The following CNTN5 variants were observed in gnomAD, a reference collection of about 807,000 sequenced individuals.
CNTN5 encodes contactin 5.
In CNTN5, 77 loss-of-function variants were observed where a neutral mutation model predicts 129.1. The ratio of observed to expected loss-of-function variants is 0.60; its 90% CI spans 0.50 to 0.72. CNTN5 has a LOEUF of 0.72. Ranked by LOEUF, CNTN5 falls within the 30% of genes least tolerant of loss-of-function variation. The pLI, the probability that CNTN5 is intolerant of heterozygous loss-of-function variation, is 0.00. For synonymous variants in CNTN5, 509 were observed against 465.6 expected (o/e 1.09, Z -1.20); for missense variants, 1,478 against 1,328.8 (o/e 1.11, Z -1.75).
At chr11:99,913,712 C>T (rs971643486) in intron 6 of CNTN5, among the ~76,000 whole-genome samples, 13 of 152,042 alleles carry the variant, frequency 8.6e-5, no homozygotes, top group Admixed American at 6.6e-4. Context: ...GCCTGTACTT[C>T]AATTCCTCAG....
chr11:100,109,089 A>G lies in CNTN5; in HGVS notation c.1580+34795A>G, dbSNP rs144647216. Among the ~76,000 whole-genome samples the G allele has an allele frequency of 1.2e-3, 178 of 152,276 alleles. 1 individual carries two copies. Among genetic ancestry groups the G allele is most frequent in the African/African-American group, 4.1e-3 (172 of 41,552 alleles). ...TGTCATCACTAAAGGAAAGCAAACC[A>G]TAAAATTAAATCACAAATAACGCTA... On this transcript the variant is annotated intron_variant, in intron 13 of 24. Coordinates refer to ENST00000524871, the MANE Select transcript of CNTN5 (RefSeq NM_014361.4).
chr11:100,129,434 TATACAC>T (rs1565268724), intron 13 of CNTN5, among the ~76,000 whole-genome samples: 2 of 152,212 alleles, frequency 1.3e-5, no homozygotes, highest in East Asian at 3.9e-4. Context: ...TTTTTACACT[TATACAC>T]AGACACTCAT....
chr11:99,581,404 G>A (rs553312411), intron 3 of CNTN5, among the ~76,000 whole-genome samples: 1,509 of 147,354 alleles, frequency 0.01, 5 homozygotes, highest in African/African-American at 0.036. Flanking sequence ...TTTCTGTCTC[G>A]TTGATCTGTC....
intron 2 of CNTN5, among the ~76,000 whole-genome samples, chr11:99,333,691 C>T (rs1029536352): frequency 6.6e-6 from 1 of 151,904 alleles, no homozygotes; most frequent in African/African-American, 2.4e-5. Context: ...TCTGTTGTGT[C>T]TATATGTCAC....
intron 9 of CNTN5, among the ~76,000 whole-genome samples, chr11:100,011,330 G>A (rs1428797936): frequency 6.6e-6 from 1 of 152,012 alleles, no homozygotes; most frequent in African/African-American, 2.4e-5. Flanking sequence ...CAATACACAA[G>A]GGCAAACAGG....
rs761152300 is a variant in CNTN5 at position 99,749,347 on chromosome 11, A to G, written c.56-70197A>G. ...AAACATTTCATCTCTCTGATTCTCAATCTTCTAACCTTTAATATGATAGTA... is the reference window on the plus strand; with the variant it reads ...AAACATTTCATCTCTCTGATTCTCAGTCTTCTAACCTTTAATATGATAGTA... On this transcript the variant is annotated intron_variant, in intron 3 of 24. Coordinates refer to ENST00000524871, the MANE Select transcript of CNTN5 (RefSeq NM_014361.4). Among the ~76,000 whole-genome samples the G allele has an allele frequency of 7.2e-5, 11 of 152,324 alleles. No homozygotes were observed. In the Middle Eastern group the frequency reaches 0.01, roughly 141 times the overall value.
chr11:100,193,400 CT>C, intron 14 of CNTN5, 87 bp from the exon 15 acceptor site: 1 of 838,500 alleles, frequency 1.2e-6, no homozygotes, highest in Non-Finnish European at 1.8e-6. Context: ...GTATAGATTT[CT>C]TCTTTTCTCA....
chr11:99,206,438 T>C (rs72998236), intron 1 of CNTN5, among the ~76,000 whole-genome samples: 21,185 of 152,104 alleles, frequency 0.14, 1,553 homozygotes, highest in African/African-American at 0.17. Context: ...TTATTTTGTG[T>C]GTCTTTTGTT....
chr11:99,099,776 G>A (rs1207902357), intron 1 of CNTN5, among the ~76,000 whole-genome samples: 2 of 152,130 alleles, frequency 1.3e-5, no homozygotes, highest in African/African-American at 2.4e-5. Context: ...GATGATAAAT[G>A]ACACAATACG....
Position 99,408,428 on chromosome 11 carries a change from A to AAAAGAAAG in CNTN5, c.-71+82958_-71+82965dup, listed in dbSNP as rs1156931446. Among the ~76,000 whole-genome samples the AAAAGAAAG allele has an allele frequency of 8.2e-4, 77 of 93,526 alleles. 1 individual carries two copies. The highest frequency in any genetic ancestry group is 2.3e-3 in the East Asian group (7 of 3,110). 61.4% of individuals were successfully genotyped at this position (93,526 alleles called of 152,430 possible). On this transcript the variant is annotated intron_variant, in intron 2 of 24. Transcript: ENST00000524871. ...GAGAGAGAAAGAAAGGAAGGAAAGA[A>AAAAGAAAG]AAAGAAAGAAAGAAAGAAAGAGAAA...
At chr11:99,831,502 T>A (rs1001707972) in intron 4 of CNTN5, among the ~76,000 whole-genome samples, 1 of 152,186 alleles carries the variant, frequency 6.6e-6, no homozygotes, top group Non-Finnish European at 1.5e-5. Flanking sequence ...GGCGTTGCAG[T>A]TTTTGGTGCA....
chr11:99,156,926 CTG>C (rs568175084), intron 1 of CNTN5, among the ~76,000 whole-genome samples: 89 of 152,016 alleles, frequency 5.9e-4, no homozygotes, highest in African/African-American at 2.1e-3. Flanking sequence ...CAGAGTATAA[CTG>C]AGAGTGTTTG....
chr11:99,520,795 A>C (rs556925680), intron 2 of CNTN5, among the ~76,000 whole-genome samples: 8 of 152,262 alleles, frequency 5.3e-5, no homozygotes, highest in South Asian at 4.1e-4. Context: ...AAAATAAAAA[A>C]TGTATGTACA....
At chr11:99,733,385 T>A (rs1943599005) in intron 3 of CNTN5, among the ~76,000 whole-genome samples, 1 of 135,290 alleles carries the variant, frequency 7.4e-6, no homozygotes, top group Non-Finnish European at 1.6e-5. Flanking sequence ...GGTTTCACTA[T>A]GTCTCATTGC....
chr11:99,437,552 G>C (rs923727247), intron 2 of CNTN5, among the ~76,000 whole-genome samples: 1 of 152,182 alleles, frequency 6.6e-6, no homozygotes, highest in African/African-American at 2.4e-5. Context: ...TTTGGGCTGG[G>C]TGTTGCGGCT....
chr11:99,391,051 A>C (rs943621413), intron 2 of CNTN5, among the ~76,000 whole-genome samples: 2 of 152,072 alleles, frequency 1.3e-5, no homozygotes, highest in African/African-American at 2.4e-5. Context: ...AATTCAACCA[A>C]AGTAAATAAC....
intron 4 of CNTN5, 152 bp from the exon 5 acceptor site, chr11:99,844,700 C>A (rs1017789858): frequency 3.1e-6 from 2 of 644,130 alleles, no homozygotes; most frequent in South Asian, 2.2e-5. Context: ...TAAAACAATG[C>A]AGTTTTCTAG....
chr11:99,500,371 T>C (rs1946383003), intron 2 of CNTN5, among the ~76,000 whole-genome samples: 1 of 152,180 alleles, frequency 6.6e-6, no homozygotes, highest in Non-Finnish European at 1.5e-5. Flanking sequence ...ACATTTGTTT[T>C]AATGGAAGAT....
At chr11:99,659,812 G>A (rs1295609357) in intron 3 of CNTN5, among the ~76,000 whole-genome samples, 4 of 152,158 alleles carry the variant, frequency 2.6e-5, no homozygotes, top group Non-Finnish European at 4.4e-5. Context: ...TCAGAGAAAT[G>A]TAATGACATA....
Sources: allele counts gnomAD v4.1 joint callset (sites outside exome capture counted in the v4.1 genomes callset), GRCh38; gene constraint gnomAD v4.1.1; transcripts MANE v1.5; gene names NCBI Gene and HGNC (gene_info 2026-07-23, HGNC 2026-07-21).